The following UQCC2 variants were observed in gnomAD, a reference collection of about 807,000 sequenced individuals.
UQCC2 encodes ubiquinol-cytochrome c reductase complex assembly factor 2.
In UQCC2, 21 loss-of-function variants were observed where a neutral mutation model predicts 19.9. The observed-to-expected ratio is 1.05, with a 90% CI of 0.75 to 1.52. UQCC2 has a LOEUF of 1.52. Among genes scored for constraint, UQCC2 ranks in the 40% most tolerant of loss-of-function variants. UQCC2 has a pLI of 0.00. For synonymous variants in UQCC2, 57 were observed against 60.9 expected (o/e 0.94, Z 0.30); for missense variants, 135 against 157.5 (o/e 0.86, Z 0.76).
chr6:33,708,182 C>A (rs140970219), intron 1 of UQCC2, among the ~76,000 whole-genome samples: 32 of 152,354 alleles, frequency 2.1e-4, no homozygotes, highest in Non-Finnish European at 3.8e-4. Context: ...CCATTTGCTG[C>A]CCAAACTATC....
chr6:33,706,686 A>C (rs1470588571), intron 1 of UQCC2, among the ~76,000 whole-genome samples: 1 of 151,332 alleles, frequency 6.6e-6, no homozygotes, highest in South Asian at 2.1e-4. Flanking sequence ...TGAGGCATGA[A>C]GAGGCACAGG....
chr6:33,701,311 A>G, intron 2 of UQCC2, 35 bp downstream of exon 2: 2 of 1,583,756 alleles, frequency 1.3e-6, no homozygotes, highest in Non-Finnish European at 1.7e-6. Flanking sequence ...GTCCCGTCAG[A>G]AAGCTGGGTA....
At chr6:33,700,650 G>C in intron 2 of UQCC2, 137 bp from the exon 3 acceptor site, 2 of 840,800 alleles carry the variant, frequency 2.4e-6, no homozygotes, top group Non-Finnish European at 3.9e-6. Context: ...GCGCCACCTC[G>C]AGGTCAAGAC....
intron 3 of UQCC2, among the ~76,000 whole-genome samples, chr6:33,699,928 G>A (rs1422845492): frequency 6.6e-6 from 1 of 152,202 alleles, no homozygotes; most frequent in African/African-American, 2.4e-5. Context: ...GTAAGGAAAG[G>A]ACGGGCTTGG....
rs1307174893 is a variant in UQCC2, at chr6:33,711,568, C to T, written c.119G>A (p.Arg40Gln). 1 of 1,610,764 alleles carries T rather than the reference C, an allele frequency of 6.2e-7. No individual in the cohort carries two copies. Among genetic ancestry groups the T allele is most frequent in the Non-Finnish European group, 8.5e-7 (1 of 1,178,890 alleles). Residue 40 changes from arginine to glutamine, a missense_variant, in exon 1 of 4, where the codon CGG (arginine) becomes CAG (glutamine). By Grantham distance (43) the Arg-to-Gln change is conservative. Transcript: ENST00000607484. ...YLRQRVAQAF[R>Q]EGENTQVAEP... ...GGTCACCTGGGTATTCTCTCCCTCC[C>T]GAAAGGCCTGTGCTACCCGCTGTCG...
chr6:33,697,771 AAGAG>A (rs758783764), intron 3 of UQCC2, 21 bp from the exon 4 acceptor site: 1 of 1,596,210 alleles, frequency 6.3e-7, no homozygotes, highest in Non-Finnish European at 8.6e-7. Context: ...GGAAGACAAA[AAGAG>A]AGAGGGACTG....
intron 3 of UQCC2, among the ~76,000 whole-genome samples, chr6:33,699,886 C>T (rs1485700143): frequency 1.3e-5 from 2 of 152,024 alleles, no homozygotes; most frequent in African/African-American, 2.4e-5. Context: ...GGCTCTCCGG[C>T]CCCCCTCCTT....
intron 1 of UQCC2, among the ~76,000 whole-genome samples, chr6:33,710,956 G>A (rs1037016947): frequency 6.6e-6 from 1 of 152,288 alleles, no homozygotes; most frequent in African/African-American, 2.4e-5. Context: ...GAACGCAAAC[G>A]CTTAGCGGGG....
chr6:33,706,400 C>T (rs1317536780), intron 1 of UQCC2, among the ~76,000 whole-genome samples: 5 of 152,144 alleles, frequency 3.3e-5, no homozygotes, highest in South Asian at 4.1e-4. Flanking sequence ...ACAAAGACGA[C>T]GACCCAGGCC....
At chr6:33,705,464 C>T (rs983332421) in intron 1 of UQCC2, among the ~76,000 whole-genome samples, 5 of 152,106 alleles carry the variant, frequency 3.3e-5, no homozygotes, top group African/African-American at 7.2e-5. Context: ...TCCAGTTTCC[C>T]GTCTGAGGTC....
Position 33,701,378 on chromosome 6 carries a change from C to G in UQCC2, c.181G>C (p.Ala61Pro). ...EACDQMYESL[A>P]RLHSNYYKHK... is the part of the protein sequence containing the mutation. ...TTGTAGTAGTTTGAATGGAGTCGCGCTAAGCTCTCGTACATCTGATCACAG... is the reference window on the plus strand; with the variant it reads ...TTGTAGTAGTTTGAATGGAGTCGCGGTAAGCTCTCGTACATCTGATCACAG... The change falls in exon 2 of 4, where the codon GCG (alanine) becomes CCG (proline). Residue 61 changes from alanine to proline, a missense_variant. By Grantham distance (27) the Ala-to-Pro change is conservative. Transcript: ENST00000607484. 3 of 1,613,808 alleles carry G rather than the reference C, an allele frequency of 1.9e-6. No homozygotes were observed. The highest frequency in any genetic ancestry group is 2.5e-6 in the Non-Finnish European group (3 of 1,179,856).
chr6:33,707,077 T>G (rs1383684818), intron 1 of UQCC2, among the ~76,000 whole-genome samples: 1 of 152,210 alleles, frequency 6.6e-6, no homozygotes, highest in Non-Finnish European at 1.5e-5. Context: ...TGGCCAAGAA[T>G]TTATCCCTTC....
chr6:33,711,681 C>T lies in UQCC2; in HGVS notation c.6G>A (p.Ala2=), dbSNP rs1296767280. 4 of 1,609,768 alleles carry T rather than the reference C, an allele frequency of 2.5e-6. No homozygotes were observed. The highest frequency in any genetic ancestry group is 2.2e-5 in the East Asian group (1 of 44,672). ...TAAGAAAACGCCGGTACCGGCTGGC[C>T]GCCATCTTGGGCCCCGCGTGTTCCC... M[A]ASRYRRFLKL... is the part of the protein sequence containing the mutation. Residue 2 remains alanine, a synonymous_variant, in exon 1 of 4, where the codon GCG becomes GCA. Coordinates refer to ENST00000607484, the MANE Select transcript of UQCC2 (RefSeq NM_032340.4).
chr6:33,705,176 C>T (rs544913949), intron 1 of UQCC2, among the ~76,000 whole-genome samples: 39 of 152,154 alleles, frequency 2.6e-4, no homozygotes, highest in Admixed American at 4.6e-4. Context: ...GAACTATAGG[C>T]GCCCGCTACC....
intron 1 of UQCC2, among the ~76,000 whole-genome samples, chr6:33,709,378 C>A (rs1765738390): frequency 6.6e-6 from 1 of 152,188 alleles, no homozygotes; most frequent in Non-Finnish European, 1.5e-5. Flanking sequence ...TGAGCCACAA[C>A]CAATTATTTA....
At chr6:33,711,418 G>C in intron 1 of UQCC2, 131 bp downstream of exon 1, 1 of 1,321,880 alleles carries the variant, frequency 7.6e-7, no homozygotes. Context: ...GGGGAAAAAG[G>C]GGGTCCGCGC....
intron 1 of UQCC2, 150 bp downstream of exon 1, chr6:33,711,399 A>T (rs1329061528): frequency 2.6e-6 from 3 of 1,163,650 alleles, no homozygotes; most frequent in East Asian, 2.8e-5. Context: ...CGCTATCAGT[A>T]GCTCCCTGGG....
chr6:33,699,243 T>C lies in UQCC2; in HGVS notation c.283+1201A>G, dbSNP rs1765610088. 3.3e-5 allele frequency among the ~76,000 whole-genome samples: 5 copies of C among 152,328 alleles called. No individual in the cohort carries two copies. In the South Asian group the frequency reaches 8.3e-4, roughly 25 times the overall value. ...TACGCCACACAATTTGCAACAAAAATATGAGGCTTGCTGTGAAAACAAATT... is the reference window on the plus strand; with the variant it reads ...TACGCCACACAATTTGCAACAAAAACATGAGGCTTGCTGTGAAAACAAATT... On this transcript the variant is annotated intron_variant, in intron 3 of 3. Coordinates refer to ENST00000607484, the MANE Select transcript of UQCC2 (RefSeq NM_032340.4).
At chr6:33,703,225 C>CGTGA (rs1434361412) in intron 1 of UQCC2, among the ~76,000 whole-genome samples, 2 of 152,168 alleles carry the variant, frequency 1.3e-5, no homozygotes, top group African/African-American at 2.4e-5. Flanking sequence ...AGTGCAATGG[C>CGTGA]GTGATCTCGG....
Sources: gnomAD v4.1 joint callset for allele counts (sites outside exome capture counted in the v4.1 genomes callset) on GRCh38, gnomAD v4.1.1 for gene constraint, MANE v1.5 for transcripts, NCBI Gene and HGNC (gene_info 2026-07-23, HGNC 2026-07-21) for gene names.